Variants in TRADD observed in about 807,000 individuals in gnomAD.
TRADD encodes the protein tumor necrosis factor receptor type 1-associated DEATH domain protein.
In TRADD, 14 loss-of-function variants were observed where a neutral mutation model predicts 31.5. The observed-to-expected ratio is 0.44, with a 90% confidence interval of 0.29 to 0.69. The LOEUF (loss-of-function observed/expected upper bound fraction) is 0.69. Among genes scored for constraint, TRADD ranks in the 30% least tolerant of loss-of-function variants. The pLI is 0.11. For synonymous variants in TRADD, 220 were observed against 215.8 expected (o/e 1.02, Z -0.17); for missense variants, 388 against 435.7 (o/e 0.89, Z 0.97).
rs13312724 is a variant in TRADD, at chr16:67,157,707, C to G, written c.-8-1039G>C. On this transcript the variant is annotated intron_variant, in intron 1 of 4. Transcript: ENST00000345057. ...CCAACACAAATTGCTCTATTCCTTC[C>G]CTGTCCAGAAAAAGCCAGGGCCCCT... is the stretch of plus-strand genomic sequence containing the variant. 4.3e-3 allele frequency among the ~76,000 whole-genome samples: 656 copies of G among 152,252 alleles called. 3 individuals carry two copies. Among genetic ancestry groups the G allele is most frequent in the African/African-American group, 0.015 (629 of 41,530 alleles).
rs750751844 is a variant in TRADD, at chr16:67,155,532, C to G, written c.274G>C (p.Glu92Gln). 120 of 1,519,894 alleles carry G rather than the reference C, an allele frequency of 7.9e-5. No homozygotes were observed. Among genetic ancestry groups the G allele is most frequent in the Non-Finnish European group, 1.0e-4 (114 of 1,142,010 alleles). The allele number at this position is 1,519,894 out of a possible 1,614,324, so 94.2% of individuals were successfully genotyped here. Reference protein sequence around the residue: ...PCGRFLRAYREGALRAALQRS... With the variant: ...PCGRFLRAYRQGALRAALQRS... ...TGCAGCGCGGCGCGCAGCGCCCCCT[C>G]GCGGTAGGCGCGGAGGAAGCGGCCA... Residue 92 changes from glutamate (E) to glutamine (Q), a missense_variant, in exon 3 of 5, where the codon GAG (glutamate) becomes CAG (glutamine). Transcript: ENST00000345057.
In TRADD at chr16:67,155,504, C is replaced by T. The variant is rs763687928; in HGVS notation, c.302G>A (p.Arg101Lys). ...CTGGGCGAGCGCGGCCGCCAGGCTC[C>T]TCTGCAGCGCGGCGCGCAGCGCCCC... is the stretch of plus-strand genomic sequence containing the variant. ...REGALRAALQ[R>K]SLAAALAQHS... Residue 101 changes from arginine (R) to lysine (K), a missense_variant, in exon 3 of 5, where the codon AGG becomes AAG. Transcript: ENST00000345057. 6.6e-4 allele frequency: 1,020 copies of T among 1,537,660 alleles called. 2 individuals are homozygous for T. The highest frequency in any genetic ancestry group is 9.7e-4 in the South Asian group (82 of 84,596).
chr16:67,155,279 C>T lies in TRADD; in HGVS notation c.445G>A (p.Asp149Asn). 1 of 1,610,498 alleles carries T rather than the reference C, an allele frequency of 6.2e-7. No individual in the cohort carries two copies. Reference sequence around the variant, plus strand: ...TCCTCCAGCTCAGCCAGTTCTTCATCCCGGAGCCGGTCGGGCTAGGGGAAT... The same window carrying T: ...TCCTCCAGCTCAGCCAGTTCTTCATTCCGGAGCCGGTCGGGCTAGGGGAAT... ...ILAQQPDRLRDEELAELEDAL... is the reference protein window; with the variant it reads ...ILAQQPDRLRNEELAELEDAL... Residue 149 changes from aspartate to asparagine, a missense_variant, in exon 4 of 5, where the codon GAT becomes AAT. Physicochemically the swap from Asp to Asn is conservative, Grantham distance 23. Coordinates refer to ENST00000345057, the MANE Select transcript of TRADD (RefSeq NM_003789.4).
In TRADD at chr16:67,154,532, C is replaced by T. The variant is rs1262853993; in HGVS notation, c.*117G>A. On this transcript the variant is annotated 3_prime_UTR_variant, in exon 5 of 5. Transcript: ENST00000345057. The surrounding 1 kb of genome is among the most constrained non-coding windows in gnomAD (Gnocchi z 5.2). ...GGCAATCAACTCTGCCCCAGCAGGT[C>T]CAGCAGATAGGCCAAGTGGAGTTTC... is the stretch of plus-strand genomic sequence containing the variant. The T allele has an allele frequency of 2.3e-6, 3 of 1,309,732 alleles. No individual in the cohort carries two copies. Among genetic ancestry groups the T allele is most frequent in the Non-Finnish European group, 2.1e-6 (2 of 944,520 alleles). 81.1% of individuals were successfully genotyped at this position (1,309,732 alleles called of 1,614,324 possible).
In TRADD at chr16:67,154,324, C is replaced by G. The variant is rs548969903; in HGVS notation, c.*325G>C. The G allele has an allele frequency of 4.7e-5, 23 of 490,422 alleles. No individual in the cohort carries two copies. Among genetic ancestry groups the G allele is most frequent in the African/African-American group, 4.3e-4 (22 of 51,680 alleles). 30.4% of individuals were successfully genotyped at this position (490,422 alleles called of 1,614,324 possible). ...TATCTGCAGCACCCAGGATGAAGTC[C>G]AGGACACCAAAGATCAAGGTGCTTC... On this transcript the variant is annotated 3_prime_UTR_variant, in exon 5 of 5. Coordinates refer to ENST00000345057, the MANE Select transcript of TRADD (RefSeq NM_003789.4). This position sits in a 1 kb window ranked among gnomAD's most constrained non-coding sequence, Gnocchi z 5.2.
intron 4 of TRADD, 45 bp from the exon 5 acceptor site, chr16:67,155,004 C>T: frequency 6.3e-7 from 1 of 1,581,650 alleles, no homozygotes. Flanking sequence ...GGACCCCCAG[C>T]GCCGGTCCCA....
intron 1 of TRADD, among the ~76,000 whole-genome samples, chr16:67,158,073 TGTTTACATGAGGAACAGGAA>T (rs2030764994): frequency 6.6e-6 from 1 of 152,234 alleles, no homozygotes; most frequent in Non-Finnish European, 1.5e-5. Flanking sequence ...AGCTGCCATC[TGTTTACATGAGGAACAGGAA>T]GCTGTCCTCC....
Position 67,155,143 on chromosome 16 carries a change from G to T in TRADD, c.581C>A (p.Pro194Gln). 8 of 1,547,726 alleles carry T rather than the reference G, an allele frequency of 5.2e-6. No homozygotes were observed. Among genetic ancestry groups the T allele is most frequent in the Non-Finnish European group, 7.0e-6 (8 of 1,149,998 alleles). Reference protein sequence around the residue: ...VPSLSEVKPPPPPPPAQTFLF... With the variant: ...VPSLSEVKPPQPPPPAQTFLF... Reference sequence around the variant, plus strand: ...AAAAGTCTGGGCAGGTGGCGGCGGCGGCGGCGGCTTCACCTCCGACAGAGA... The same window carrying T: ...AAAAGTCTGGGCAGGTGGCGGCGGCTGCGGCGGCTTCACCTCCGACAGAGA... Residue 194 changes from proline (P) to glutamine (Q), a missense_variant, in exon 4 of 5, where the codon CCG (proline) becomes CAG (glutamine). Physicochemically the swap from Pro to Gln is moderately conservative, Grantham distance 76. Transcript: ENST00000345057.
chr16:67,156,793 G>T lies in TRADD; in HGVS notation c.-8-125C>A. 1.6e-6 allele frequency: 2 copies of T among 1,283,330 alleles called. No homozygotes were observed. Among genetic ancestry groups the T allele is most frequent in the Non-Finnish European group, 2.2e-6 (2 of 892,654 alleles). 79.5% of individuals were successfully genotyped at this position (1,283,330 alleles called of 1,614,324 possible). A position where few individuals can be genotyped will look rare whatever the true frequency, so the allele number is the denominator to read the frequency against. ...GCCTCAAGTCCCACATGGTTCAGTT[G>T]TCCCCACCACTGGTTGGCATACTTG... On this transcript the variant is annotated intron_variant, in intron 1 of 4. Coordinates refer to ENST00000345057, the MANE Select transcript of TRADD (RefSeq NM_003789.4). This position sits in a 1 kb window ranked among gnomAD's most constrained non-coding sequence, Gnocchi z 4.6.
Position 67,155,544 on chromosome 16 carries a change from G to T in TRADD, c.262C>A (p.Arg88Ser), listed in dbSNP as rs368447554. Residue 88 changes from arginine to serine, a missense_variant, in exon 3 of 5, where the codon CGC becomes AGC. Coordinates refer to ENST00000345057, the MANE Select transcript of TRADD (RefSeq NM_003789.4). Reference protein sequence around the residue: ...CGRQPCGRFLRAYREGALRAA... With the variant: ...CGRQPCGRFLSAYREGALRAA... ...CGCAGCGCCCCCTCGCGGTAGGCGC[G>T]GAGGAAGCGGCCACAGGGCTGCCGC... 1.3e-6 allele frequency: 2 copies of T among 1,521,622 alleles called. No individual in the cohort carries two copies. The highest frequency in any genetic ancestry group is 2.8e-5 in the African/African-American group (2 of 70,712). The allele number at this position is 1,521,622 out of a possible 1,614,324, so 94.3% of individuals were successfully genotyped here. A position where few individuals can be genotyped will look rare whatever the true frequency, so the allele number is the denominator to read the frequency against.
intron 1 of TRADD, among the ~76,000 whole-genome samples, chr16:67,158,299 G>C (rs1252484332): frequency 6.6e-6 from 1 of 152,198 alleles, no homozygotes; most frequent in Non-Finnish European, 1.5e-5. Context: ...TCAAGTAGCT[G>C]GGACTTTAGG....
In TRADD at chr16:67,156,271, G is replaced by T; in HGVS notation, c.151+239C>A. On this transcript the variant is annotated intron_variant, in intron 2 of 4. Coordinates refer to ENST00000345057, the MANE Select transcript of TRADD (RefSeq NM_003789.4). This position sits in a 1 kb window ranked among gnomAD's most constrained non-coding sequence, Gnocchi z 4.6. ...AAAGGAGTGAGCCGGCTGGTGGAGG[G>T]GGGCGGGGATGGAGCAAAGGACGTT... is the stretch of plus-strand genomic sequence containing the variant. 7.9e-7 allele frequency: 1 copy of T among 1,261,382 alleles called. No homozygotes were observed. The highest frequency in any genetic ancestry group is 1.4e-5 in the South Asian group (1 of 71,416). The allele number at this position is 1,261,382 out of a possible 1,614,324, so 78.1% of individuals were successfully genotyped here.
chr16:67,155,026 C>T, intron 4 of TRADD, 67 bp from the exon 5 acceptor site: 1 of 1,555,924 alleles, frequency 6.4e-7, no homozygotes, highest in Non-Finnish European at 8.7e-7. Flanking sequence ...CCATCCCCAC[C>T]CGGCAACGAC....
In TRADD at chr16:67,156,973, G is replaced by T. The variant is rs1358839516; in HGVS notation, c.-8-305C>A. The stretch of plus-strand genomic sequence containing the variant: ...TGGAGGGGGAGCAGAGGCAGATCCT[G>T]CAATGGGGCTTCTCTGCTTCCTTCT... On this transcript the variant is annotated intron_variant, in intron 1 of 4. Transcript: ENST00000345057. This position sits in a 1 kb window ranked among gnomAD's most constrained non-coding sequence, Gnocchi z 4.6. Among the ~76,000 whole-genome samples the T allele has an allele frequency of 6.6e-6, 1 of 152,216 alleles. No individual in the cohort carries two copies. Among genetic ancestry groups the T allele is most frequent in the Non-Finnish European group, 1.5e-5 (1 of 68,036 alleles).
intron 1 of TRADD, among the ~76,000 whole-genome samples, chr16:67,158,934 C>T (rs2030798518): frequency 6.6e-6 from 1 of 152,066 alleles, no homozygotes; most frequent in Non-Finnish European, 1.5e-5. Flanking sequence ...GGGGACCGAA[C>T]AGGACCATTG....
intron 4 of TRADD, 56 bp downstream of exon 4, chr16:67,155,040 T>A: frequency 2.1e-6 from 1 of 477,682 alleles, no homozygotes; most frequent in Non-Finnish European, 3.6e-6. Context: ...CAACGACCCC[T>A]GCCCCTCCCC....
intron 1 of TRADD, among the ~76,000 whole-genome samples, chr16:67,157,173 G>T (rs1253675347): frequency 6.6e-6 from 1 of 152,116 alleles, no homozygotes; most frequent in Non-Finnish European, 1.5e-5. Context: ...CACTTCGAAG[G>T]GCACCTGTAG....
chr16:67,154,489 G>T lies in TRADD; in HGVS notation c.*160C>A. On this transcript the variant is annotated 3_prime_UTR_variant, in exon 5 of 5. Coordinates refer to ENST00000345057, the MANE Select transcript of TRADD (RefSeq NM_003789.4). The surrounding 1 kb of genome is among the most constrained non-coding windows in gnomAD (Gnocchi z 5.2). ...GAATCCCCAATGATGCACCCCCAGT[G>T]GTCTGGCTCCTGGGGAAGGCAATCA... The T allele has an allele frequency of 1.2e-6, 1 of 846,974 alleles. No individual in the cohort carries two copies. Among genetic ancestry groups the T allele is most frequent in the Non-Finnish European group, 1.9e-6 (1 of 537,502 alleles). The allele number at this position is 846,974 out of a possible 1,614,324, so 52.5% of individuals were successfully genotyped here.
chr16:67,155,758 C>G, intron 2 of TRADD, 104 bp from the exon 3 acceptor site: 1 of 1,470,640 alleles, frequency 6.8e-7, no homozygotes, highest in South Asian at 1.3e-5. Flanking sequence ...CGTCCCATCC[C>G]CTGACCTAGG....
Sources: gnomAD v4.1 joint callset for allele counts (sites outside exome capture counted in the v4.1 genomes callset) on GRCh38, gnomAD v4.1.1 for gene constraint, Gnocchi (gnomAD v3.1) non-coding constraint, MANE v1.5 for transcripts, NCBI Gene and HGNC (gene_info 2026-07-23, HGNC 2026-07-21) for gene names.